CSMD3: variants seen among roughly 807,000 people sequenced by gnomAD.
CSMD3 encodes the protein CUB and Sushi multiple domains 3, also known as CUB and sushi domain-containing protein 3.
A neutral mutation model predicts 435.2 loss-of-function variants in CSMD3; 177 were observed. That is an observed-to-expected ratio of 0.41 (90% CI 0.36 to 0.46). The LOEUF is 0.46. Ranked by LOEUF, CSMD3 falls within the 20% of genes least tolerant of loss-of-function variation. The probability of loss-of-function intolerance (pLI) is 0.34; values close to 1 mark genes in which losing one functional copy is unlikely to be tolerated. For synonymous variants in CSMD3, 1,656 were observed against 1,520.5 expected, an observed-to-expected ratio of 1.09 and a Z score of -2.07; for missense variants, 4,265 against 4,504.6, an observed-to-expected ratio of 0.95 and a Z score of 1.52.
chr8:112,400,067 A>G (rs1440000536), intron 35 of CSMD3, among the ~76,000 whole-genome samples: 4 of 152,164 alleles, frequency 2.6e-5, no homozygotes, highest in Non-Finnish European at 5.9e-5. Flanking sequence ...TTGTTACAGT[A>G]GCACCCCACT....
chr8:112,237,103 C>T (rs1290478240), intron 67 of CSMD3, 87 bp downstream of exon 67: 2 of 1,393,346 alleles, frequency 1.4e-6, no homozygotes, highest in African/African-American at 2.8e-5. Flanking sequence ...AACATTTCAC[C>T]ATATAAAAAG....
chr8:112,893,551 A>T (rs1396227854), intron 10 of CSMD3, among the ~76,000 whole-genome samples: 3 of 151,528 alleles, frequency 2.0e-5, no homozygotes, highest in Non-Finnish European at 4.4e-5. Flanking sequence ...CCTCCAGGTC[A>T]CTTGGTCAGG....
intron 1 of CSMD3, among the ~76,000 whole-genome samples, chr8:113,361,808 T>C (rs1184835729): frequency 6.6e-6 from 1 of 152,158 alleles, no homozygotes; most frequent in East Asian, 1.9e-4. Flanking sequence ...ATAAATCATA[T>C]GGGCAGAAAA....
At chr8:113,243,625 C>A (rs1264672477) in intron 3 of CSMD3, among the ~76,000 whole-genome samples, 1 of 151,982 alleles carries the variant, frequency 6.6e-6, no homozygotes. Flanking sequence ...TGAATATATA[C>A]CTATGACTAG....
chr8:112,571,387 C>G (rs1346705710), intron 24 of CSMD3, among the ~76,000 whole-genome samples: 1 of 152,074 alleles, frequency 6.6e-6, no homozygotes, highest in East Asian at 1.9e-4. Flanking sequence ...TTCTACAGTT[C>G]ACACTAATGA....
At chr8:113,315,161 T>C (rs1406257644) in intron 1 of CSMD3, among the ~76,000 whole-genome samples, 2 of 152,174 alleles carry the variant, frequency 1.3e-5, no homozygotes, top group African/African-American at 2.4e-5. Flanking sequence ...TAAACAACAC[T>C]GACATTTTAA....
Position 113,413,391 on chromosome 8 carries a change from A to G in CSMD3, c.178+23286T>C, listed in dbSNP as rs1006659983. ...CTGCTATGATGGAAAATCTTTTATT[A>G]TTGTATTCTAACTATTGCAAATTTG... is the stretch of plus-strand genomic sequence containing the variant. On this transcript the variant is annotated intron_variant, in intron 1 of 70. Transcript: ENST00000297405. Among the ~76,000 whole-genome samples, 46 of 152,104 alleles carry G rather than the reference A, an allele frequency of 3.0e-4. 1 individual carries two copies. Among genetic ancestry groups the G allele is most frequent in the Admixed American group, 1.3e-4 (2 of 15,260 alleles).
At position 113,197,643 on chromosome 8, in the gene CSMD3, C is replaced by A. The variant is rs543721397; in HGVS notation, c.515-23727G>T. On this transcript the variant is annotated intron_variant, in intron 3 of 70. Transcript: ENST00000297405. Reference sequence around the variant, plus strand: ...AACAAGTGAACATTATTATGCCATGCAGAGATAATTAGCAGGATGTGCTTA... The same window carrying A: ...AACAAGTGAACATTATTATGCCATGAAGAGATAATTAGCAGGATGTGCTTA... 1.6e-4 allele frequency among the ~76,000 whole-genome samples: 24 copies of A among 151,240 alleles called. No individual in the cohort carries two copies. The South Asian group carries it at 4.8e-3, about 30-fold the overall frequency.
At chr8:112,507,816 G>A (rs938549724) in intron 28 of CSMD3, among the ~76,000 whole-genome samples, 6 of 151,958 alleles carry the variant, frequency 3.9e-5, no homozygotes, top group African/African-American at 1.4e-4. Flanking sequence ...GTCTGGTACT[G>A]CCTTCCTCCA....
At chr8:112,437,846 G>C (rs1171075045) in intron 32 of CSMD3, among the ~76,000 whole-genome samples, 1 of 152,114 alleles carries the variant, frequency 6.6e-6, no homozygotes, top group African/African-American at 2.4e-5. Context: ...GAAAGCCCAA[G>C]AGAGCTCCTC....
intron 2 of CSMD3, among the ~76,000 whole-genome samples, chr8:113,302,374 G>C (rs6996176): frequency 0.63 from 90,702 of 143,584 alleles, 29,375 homozygotes; most frequent in East Asian, 0.74. Context: ...ATGATGTTAT[G>C]AGAATTGTAT....
chr8:112,873,794 C>A (rs2081201461), intron 10 of CSMD3, among the ~76,000 whole-genome samples: 1 of 151,768 alleles, frequency 6.6e-6, no homozygotes, highest in African/African-American at 2.4e-5. Context: ...CTATTTGATT[C>A]TTCTCTCTTT....
At chr8:113,240,795 C>T (rs1181387508) in intron 3 of CSMD3, among the ~76,000 whole-genome samples, 2 of 152,112 alleles carry the variant, frequency 1.3e-5, no homozygotes, top group African/African-American at 4.8e-5. Flanking sequence ...CCAAATTATT[C>T]TTCCAAAGAA....
chr8:113,249,262 G>C (rs2132288763), intron 3 of CSMD3, among the ~76,000 whole-genome samples: 1 of 152,162 alleles, frequency 6.6e-6, no homozygotes, highest in Middle Eastern at 3.4e-3. Flanking sequence ...ACCCAGCCTT[G>C]AGTGTGTCTT....
chr8:112,613,229 T>C (rs1301984931), intron 22 of CSMD3, among the ~76,000 whole-genome samples: 5 of 152,156 alleles, frequency 3.3e-5, no homozygotes, highest in African/African-American at 1.2e-4. Context: ...TCTCTGTTTT[T>C]CTCCCACTGC....
At chr8:112,338,841 T>A (rs1824820314) in intron 42 of CSMD3, among the ~76,000 whole-genome samples, 1 of 152,166 alleles carries the variant, frequency 6.6e-6, no homozygotes, top group African/African-American at 2.4e-5. Context: ...TAGGAATTGA[T>A]CATTAGGAGT....
intron 5 of CSMD3, among the ~76,000 whole-genome samples, chr8:113,051,951 T>A (rs1329924466): frequency 6.6e-6 from 1 of 152,050 alleles, no homozygotes; most frequent in Non-Finnish European, 1.5e-5. Flanking sequence ...CTTCACTTTT[T>A]ACATTATAAT....
intron 13 of CSMD3, among the ~76,000 whole-genome samples, chr8:112,692,938 TATCTATC>T (rs2076169441): frequency 1.3e-5 from 2 of 151,384 alleles, no homozygotes; most frequent in South Asian, 4.2e-4. Flanking sequence ...TCTATCTATC[TATCTATC>T]TATCTATCTA....
chr8:113,255,172 G>C (rs2093369031), intron 3 of CSMD3, among the ~76,000 whole-genome samples: 1 of 152,004 alleles, frequency 6.6e-6, no homozygotes, highest in South Asian at 2.1e-4. Flanking sequence ...TATTACCTTA[G>C]ACTATCTAAA....
Sources: gnomAD v4.1 joint callset for allele counts (sites outside exome capture counted in the v4.1 genomes callset) on GRCh38, gnomAD v4.1.1 for gene constraint, MANE v1.5 for transcripts, NCBI Gene and HGNC (gene_info 2026-07-23, HGNC 2026-07-21) for gene names.